The following RFC1 variants were observed in gnomAD, a reference collection of about 807,000 sequenced individuals.
RFC1 encodes replication factor C subunit 1.
Under a neutral mutation model 137.4 loss-of-function variants are expected in RFC1, and 37 were observed. That is an observed-to-expected ratio of 0.27 (90% confidence interval 0.21 to 0.35). RFC1 has a LOEUF of 0.35. Ranked by LOEUF, RFC1 falls within the 10% of genes least tolerant of loss-of-function variation. The pLI, the probability that RFC1 is intolerant of heterozygous loss-of-function variation, is 1.00. For synonymous variants in RFC1, 429 were observed against 455.7 expected, an observed-to-expected ratio of 0.94 and a Z score of 0.75; for missense variants, 1,205 against 1,358.5, an observed-to-expected ratio of 0.89 and a Z score of 1.78.
intron 4 of RFC1, among the ~76,000 whole-genome samples, chr4:39,328,729 G>A (rs1328683508): frequency 4.6e-5 from 7 of 152,098 alleles, no homozygotes; most frequent in African/African-American, 7.2e-5. Context: ...ATTATAGAAC[G>A]GGAATCCACT....
rs1425676226 is a variant in RFC1, at chr4:39,302,853, G to A, written c.2224C>T (p.His742Tyr). The A allele has an allele frequency of 6.3e-7, 1 of 1,585,472 alleles. No individual in the cohort carries two copies. Among genetic ancestry groups the A allele is most frequent in the Non-Finnish European group, 8.6e-7 (1 of 1,168,960 alleles). The part of the protein sequence containing the change: ...GIQELIGLIK[H>Y]TKIPIICMCN... ...ATACAAATAATGGGAATTTTAGTAT[G>A]TTTTATCAGGCCAATTAATTCCTGA... Residue 742 changes from histidine to tyrosine, a missense_variant, in exon 17 of 25, where the codon CAT becomes TAT. Around this residue, in one of 3 missense-constraint regions of RFC1, gnomAD observed 962 missense variants for 1,035.3 expected, o/e 0.93. Coordinates refer to ENST00000349703, the MANE Select transcript of RFC1 (RefSeq NM_002913.5).
chr4:39,348,429 G>C (rs201393644), intron 2 of RFC1, among the ~76,000 whole-genome samples: 37 of 38,614 alleles, frequency 9.6e-4, no homozygotes, highest in Non-Finnish European at 1.8e-3. Flanking sequence ...TTTCAAAAAA[G>C]AAAAGAAAAG....
chr4:39,308,463 T>C (rs1385910386), intron 13 of RFC1, among the ~76,000 whole-genome samples, 173 bp downstream of exon 13: 10 of 152,144 alleles, frequency 6.6e-5, no homozygotes, highest in Admixed American at 6.5e-4. Flanking sequence ...AGAGGGACTG[T>C]TTTGTTCACA....
At chr4:39,302,041 A>C (rs538078755) in intron 19 of RFC1, among the ~76,000 whole-genome samples, 4 of 152,374 alleles carry the variant, frequency 2.6e-5, no homozygotes, top group Admixed American at 2.0e-4. Context: ...TTGTTGAAGC[A>C]TAAGTATAAT....
intron 6 of RFC1, among the ~76,000 whole-genome samples, chr4:39,325,364 C>T (rs1239908917): frequency 6.6e-6 from 1 of 152,100 alleles, no homozygotes; most frequent in African/African-American, 2.4e-5. Flanking sequence ...CACCATTCAC[C>T]CAGTTGTTAA....
At chr4:39,360,820 A>G (rs1741721726) in intron 1 of RFC1, among the ~76,000 whole-genome samples, 1 of 152,192 alleles carries the variant, frequency 6.6e-6, no homozygotes, top group South Asian at 2.1e-4. Flanking sequence ...TAAGTACCGC[A>G]GTATGCTGCA....
chr4:39,336,381 T>C (rs1740351781), intron 4 of RFC1, among the ~76,000 whole-genome samples: 1 of 152,182 alleles, frequency 6.6e-6, no homozygotes, highest in Non-Finnish European at 1.5e-5. Context: ...AGTAACATCA[T>C]GAACTGGTCA....
At chr4:39,290,782 T>C (rs1737630798) in intron 23 of RFC1, among the ~76,000 whole-genome samples, 1 of 151,046 alleles carries the variant, frequency 6.6e-6, no homozygotes, top group Admixed American at 6.6e-5. Flanking sequence ...ACCACTGCCC[T>C]TCAGCCTGGG....
Position 39,288,757 on chromosome 4 carries a change from G to A in RFC1, c.*4C>T. The A allele has an allele frequency of 6.3e-7, 1 of 1,596,814 alleles. No individual in the cohort carries two copies. The highest frequency in any genetic ancestry group is 8.6e-7 in the Non-Finnish European group (1 of 1,164,974). ...AAAGTGGCTGTCGCTAGTGAAAAATGGTTTCATTTCTTCGAACTTTTTCCT... is the reference window on the plus strand; with the variant it reads ...AAAGTGGCTGTCGCTAGTGAAAAATAGTTTCATTTCTTCGAACTTTTTCCT... On this transcript the variant is annotated 3_prime_UTR_variant, in exon 25 of 25. Transcript: ENST00000349703.
At chr4:39,296,934 T>G (rs1276995104) in intron 21 of RFC1, among the ~76,000 whole-genome samples, 2 of 151,808 alleles carry the variant, frequency 1.3e-5, no homozygotes, top group African/African-American at 2.4e-5. Context: ...GACTTTTTAA[T>G]GATTGCCATT....
At chr4:39,289,147 G>A (rs780501727) in intron 24 of RFC1, among the ~76,000 whole-genome samples, 13 of 152,320 alleles carry the variant, frequency 8.5e-5, no homozygotes, top group Non-Finnish European at 1.3e-4. Flanking sequence ...GACAAAATAA[G>A]CAAGAGGTAA....
At chr4:39,343,382 C>T (rs1283172652) in intron 3 of RFC1, among the ~76,000 whole-genome samples, 2 of 152,190 alleles carry the variant, frequency 1.3e-5, no homozygotes, top group Non-Finnish European at 2.9e-5. Flanking sequence ...GTAACTTTTA[C>T]TTCCCTTTGC....
intron 1 of RFC1, among the ~76,000 whole-genome samples, chr4:39,352,274 A>G (rs1261735569): frequency 6.6e-6 from 1 of 152,136 alleles, no homozygotes; most frequent in African/African-American, 2.4e-5. Flanking sequence ...AAAGCTTCAA[A>G]TTGTTTTCCT....
At chr4:39,299,675 A>G (rs1167609643) in intron 21 of RFC1, among the ~76,000 whole-genome samples, 2 of 151,944 alleles carry the variant, frequency 1.3e-5, no homozygotes, top group African/African-American at 4.8e-5. Context: ...GAAACAGACG[A>G]TAGTTACCAC....
chr4:39,312,675 G>T, intron 11 of RFC1, 77 bp downstream of exon 11: 2 of 1,277,072 alleles, frequency 1.6e-6, no homozygotes, highest in African/African-American at 1.5e-5. Flanking sequence ...TTAACTCTGA[G>T]TAAAGGGCAA....
At chr4:39,306,957 T>C (rs987639971) in intron 13 of RFC1, among the ~76,000 whole-genome samples, 2 of 152,164 alleles carry the variant, frequency 1.3e-5, no homozygotes, top group African/African-American at 2.4e-5. Flanking sequence ...ATAATAATTG[T>C]ATGAGTTTCC....
chr4:39,302,927 C>T lies in RFC1; in HGVS notation c.2203-53G>A. On this transcript the variant is annotated intron_variant, in intron 16 of 24. Coordinates refer to ENST00000349703, the MANE Select transcript of RFC1 (RefSeq NM_002913.5). ...TAATTATTTTAAAAATGACAAATAC[C>T]ACACAAGCTATTTTAGGTTCTAAAA... 7.2e-6 allele frequency: 11 copies of T among 1,537,568 alleles called. No homozygotes were observed. In the South Asian group the frequency reaches 1.3e-4, roughly 18 times the overall value.
rs971194815 is a variant in RFC1 at position 39,366,117 on chromosome 4, C to G, written c.3+122G>C. On this transcript the variant is annotated intron_variant, in intron 1 of 24. Transcript: ENST00000349703. ...GTGTGCGGCCCCTTCTCTGCCTTTG[C>G]TAGCCTCCGGAACCACCCACCGCCA... 56 of 1,114,088 alleles carry G rather than the reference C, an allele frequency of 5.0e-5. No homozygotes were observed. In the East Asian group the frequency reaches 1.7e-3, roughly 33 times the overall value. 69.0% of individuals were successfully genotyped at this position (1,114,088 alleles called of 1,614,324 possible).
intron 11 of RFC1, among the ~76,000 whole-genome samples, chr4:39,311,958 GA>G (rs1738980847): frequency 6.6e-6 from 1 of 152,184 alleles, no homozygotes; most frequent in Admixed American, 6.5e-5. Flanking sequence ...TTCTTCAAGT[GA>G]TGAATGATGA....
Sources: gnomAD v4.1 joint callset for allele counts (sites outside exome capture counted in the v4.1 genomes callset) on GRCh38, gnomAD v4.1.1 for gene constraint, gnomAD v4.1.1 regional missense constraint, MANE v1.5 for transcripts, NCBI Gene and HGNC (gene_info 2026-07-23, HGNC 2026-07-21) for gene names.